The following SEM1 variants were observed in gnomAD, a reference collection of about 807,000 sequenced individuals.
SEM1 encodes the protein 26S proteasome complex subunit SEM1.
In SEM1, 3 loss-of-function variants were observed where a neutral mutation model predicts 12.7. That is an observed-to-expected ratio of 0.24 (90% CI 0.11 to 0.61). The LOEUF is 0.61. Ranked by LOEUF, SEM1 falls within the 20% of genes least tolerant of loss-of-function variation. The pLI is 0.88. For missense variants in SEM1, 59 were observed against 81.3 expected (o/e 0.73, Z 1.06); for synonymous variants, 30 against 27.8 (o/e 1.08, Z -0.25).
chr7:96,582,153 C>A (rs1806432323), intron 2 of SEM1, among the ~76,000 whole-genome samples: 1 of 151,422 alleles, frequency 6.6e-6, no homozygotes, highest in Non-Finnish European at 1.5e-5. Context: ...CCCATCAATA[C>A]CTAATTTATT....
At chr7:96,657,917 C>T (rs537526765) in intron 2 of SEM1, among the ~76,000 whole-genome samples, 4 of 152,270 alleles carry the variant, frequency 2.6e-5, no homozygotes, top group East Asian at 1.9e-4. Flanking sequence ...AACCTTTGTG[C>T]AGAGGGCAGG....
In SEM1 at chr7:96,516,047, T is replaced by TA. The variant is rs890408957; in HGVS notation, c.171-9350dup. 1.2e-3 allele frequency among the ~76,000 whole-genome samples: 180 copies of TA among 150,740 alleles called. 2 individuals carry two copies. Among genetic ancestry groups the TA allele is most frequent in the African/African-American group, 4.0e-3 (165 of 41,108 alleles). On this transcript the variant is annotated intron_variant and NMD_transcript_variant, in intron 2 of 3. Transcript: ENST00000466986. Reference sequence around the variant, plus strand: ...TAATAATACAAAAATCTTTTTCTTTTAAAAAAAAAGAACCTAAAGAAAGGC... The same window carrying TA: ...TAATAATACAAAAATCTTTTTCTTTTAAAAAAAAAAGAACCTAAAGAAAGGC...
intron 2 of SEM1, among the ~76,000 whole-genome samples, chr7:96,575,780 AACAG>A (rs993957818): frequency 9.9e-5 from 15 of 152,228 alleles, no homozygotes; most frequent in Non-Finnish European, 2.1e-4. Context: ...CAACAGACTA[AACAG>A]ACAACCTATA....
upstream of SEM1, among the ~76,000 whole-genome samples, chr7:96,499,381 C>G (rs372534151): frequency 5.0e-4 from 76 of 152,150 alleles, no homozygotes; most frequent in African/African-American, 1.8e-3. Flanking sequence ...TAAGTAGATT[C>G]TTGCCGTAAT....
intron 2 of SEM1, among the ~76,000 whole-genome samples, chr7:96,565,781 T>C (rs1432878331): frequency 1.3e-5 from 2 of 151,898 alleles, no homozygotes; most frequent in African/African-American, 4.8e-5. Context: ...CACAAGTTGC[T>C]TCCTATCTCT....
At chr7:96,575,707 T>C (rs2116016217) in intron 2 of SEM1, among the ~76,000 whole-genome samples, 1 of 152,302 alleles carries the variant, frequency 6.6e-6, no homozygotes, top group African/African-American at 2.4e-5. Flanking sequence ...CTACAGCGGC[T>C]TTGTGGCGCT....
chr7:96,537,263 C>T (rs929493049), intron 2 of SEM1, among the ~76,000 whole-genome samples: 9 of 151,560 alleles, frequency 5.9e-5, no homozygotes, highest in African/African-American at 2.2e-4. Flanking sequence ...TTATAATCAC[C>T]GAATGCATTG....
chr7:96,544,095 C>G (rs1805033106), intron 2 of SEM1, among the ~76,000 whole-genome samples: 1 of 151,988 alleles, frequency 6.6e-6, no homozygotes, highest in African/African-American at 2.4e-5. Context: ...AGCCCATCAG[C>G]GTTAAAACAT....
At chr7:96,707,817 G>C (rs890189742) in intron 1 of SEM1, among the ~76,000 whole-genome samples, 9 of 152,160 alleles carry the variant, frequency 5.9e-5, no homozygotes, top group African/African-American at 2.2e-4. Flanking sequence ...TTTTTAAGCA[G>C]TCAATTATCA....
intron 2 of SEM1, among the ~76,000 whole-genome samples, chr7:96,556,178 T>G (rs554130832): frequency 6.6e-6 from 1 of 152,072 alleles, no homozygotes; most frequent in Non-Finnish European, 1.5e-5. Flanking sequence ...TTGGAGCATT[T>G]AGTCCATTTA....
At chr7:96,655,696 A>C (rs1050730316) in intron 2 of SEM1, among the ~76,000 whole-genome samples, 19 of 152,180 alleles carry the variant, frequency 1.2e-4, no homozygotes, top group African/African-American at 3.9e-4. Context: ...AACTGTCCCC[A>C]TACCCCTTTC....
chr7:96,581,645 C>A (rs952915029), intron 2 of SEM1, among the ~76,000 whole-genome samples: 3 of 152,072 alleles, frequency 2.0e-5, no homozygotes, highest in Admixed American at 1.3e-4. Flanking sequence ...CTTTTATTTC[C>A]TTGAGCAGTG....
At chr7:96,706,599 A>C (rs1428890444) in intron 1 of SEM1, among the ~76,000 whole-genome samples, 2 of 146,404 alleles carry the variant, frequency 1.4e-5, no homozygotes, top group Admixed American at 1.4e-4. Context: ...AAAAAAAGAG[A>C]GAGAGAAGAA....
At chr7:96,496,250 G>A (rs1301145952) in intron 1 of SEM1, 1 of 1,394,424 alleles carries the variant, frequency 7.2e-7, no homozygotes, top group Non-Finnish European at 9.8e-7. Context: ...TTTAATAAAA[G>A]CCACATATTG....
At chr7:96,676,371 A>G (rs1789449064) in intron 2 of SEM1, among the ~76,000 whole-genome samples, 1 of 152,170 alleles carries the variant, frequency 6.6e-6, no homozygotes, top group Non-Finnish European at 1.5e-5. Context: ...AATGTGAAAG[A>G]AGGAATGTTC....
At chr7:96,629,109 G>C (rs1808165444) in intron 2 of SEM1, among the ~76,000 whole-genome samples, 1 of 152,082 alleles carries the variant, frequency 6.6e-6, no homozygotes, top group African/African-American at 2.4e-5. Flanking sequence ...ATTATTAAAT[G>C]CCTTGAGGCA....
intron 2 of SEM1, among the ~76,000 whole-genome samples, chr7:96,654,079 C>CACTT (rs1254423268): frequency 1.3e-5 from 2 of 152,158 alleles, no homozygotes; most frequent in Non-Finnish European, 2.9e-5. Context: ...GATGAGAGTG[C>CACTT]ACTTAAGGAA....
At chr7:96,504,579 C>G (rs927522477) in intron 3 of SEM1, among the ~76,000 whole-genome samples, 8 of 152,000 alleles carry the variant, frequency 5.3e-5, no homozygotes, top group Non-Finnish European at 1.2e-4. Context: ...TATCTTGAAT[C>G]AAAACCTATA....
chr7:96,620,828 G>GA (rs1807870195), downstream of SEM1, among the ~76,000 whole-genome samples: 1 of 151,960 alleles, frequency 6.6e-6, no homozygotes, highest in East Asian at 1.9e-4. Context: ...TCTATGTTAT[G>GA]TTTTTTTTAG....
Sources: gnomAD v4.1 joint callset for allele counts (sites outside exome capture counted in the v4.1 genomes callset) on GRCh38, gnomAD v4.1.1 for gene constraint, MANE v1.5 for transcripts, NCBI Gene and HGNC (gene_info 2026-07-23, HGNC 2026-07-21) for gene names.